Variants in LMO7 observed in about 807,000 individuals in gnomAD.
The protein encoded by LMO7 is LIM domain 7.
Under a neutral mutation model 206.5 loss-of-function variants are expected in LMO7, and 120 were observed. The observed-to-expected ratio is 0.58, with a 90% CI of 0.50 to 0.68. The LOEUF is 0.68. Among genes scored for constraint, LMO7 ranks in the 30% least tolerant of loss-of-function variants. LMO7 has a pLI of 0.00. For missense variants in LMO7, 1,959 were observed against 1,957.9 expected (o/e 1.00, Z -0.01); for synonymous variants, 706 against 681.5 (o/e 1.04, Z -0.56).
Position 75,639,364 on chromosome 13 carries a change from G to A in LMO7, c.69+2638G>A, listed in dbSNP as rs1166251908. On this transcript the variant is annotated intron_variant, in intron 1 of 30. Transcript: ENST00000377534. ...ACTCATGCTAATTTTGCAATTCAAA[G>A]CAAATGTAGGAAAGCTACCCTTTAA... Among the ~76,000 whole-genome samples, 3 of 152,260 alleles carry A rather than the reference G, an allele frequency of 2.0e-5. No homozygotes were observed. In the East Asian group the frequency reaches 5.8e-4, roughly 29 times the overall value.
chr13:75,807,740 A>G lies in LMO7; in HGVS notation c.1457A>G (p.Lys486Arg). 1 of 1,614,010 alleles carries G rather than the reference A, an allele frequency of 6.2e-7. No individual in the cohort carries two copies. The highest frequency in any genetic ancestry group is 8.5e-7 in the Non-Finnish European group (1 of 1,179,890). The change falls in exon 10 of 31, where the codon AAG becomes AGG. Residue 486 changes from lysine (K) to arginine (R), a missense_variant. Coordinates refer to ENST00000377534, the MANE Select transcript of LMO7 (RefSeq NM_001306080.2). The stretch of plus-strand genomic sequence containing the variant: ...CTCCGAGCTTTTGAAGACTTTAGAA[A>G]GTTCTCTGAGCAAGATGATTCTGTA... ...YVLRAFEDFR[K>R]FSEQDDSVER... is the part of the protein sequence containing the mutation.
At chr13:75,828,826 A>G (rs1407798457) in intron 15 of LMO7, among the ~76,000 whole-genome samples, 1 of 152,142 alleles carries the variant, frequency 6.6e-6, no homozygotes, top group African/African-American at 2.4e-5. Flanking sequence ...GGGGTGATTC[A>G]AGATGGATTA....
intron 30 of LMO7, 33 bp downstream of exon 30, chr13:75,856,641 C>T (rs1312473263): frequency 1.4e-6 from 2 of 1,385,818 alleles, no homozygotes; most frequent in Non-Finnish European, 2.1e-6. Flanking sequence ...AAATTTCTTG[C>T]CTTTTAAGGA....
chr13:75,777,454 A>C (rs1467562403), intron 4 of LMO7, among the ~76,000 whole-genome samples: 2 of 152,098 alleles, frequency 1.3e-5, no homozygotes, highest in Non-Finnish European at 2.9e-5. Context: ...CTATTTTCAG[A>C]GTGTTGGTCT....
chr13:75,722,359 AC>A (rs755171888), intron 2 of LMO7, among the ~76,000 whole-genome samples: 1 of 152,170 alleles, frequency 6.6e-6, no homozygotes, highest in Non-Finnish European at 1.5e-5. Flanking sequence ...CAAGAAAAAA[AC>A]AATCCCATCA....
At chr13:75,745,911 C>G (rs1395901870) in intron 3 of LMO7, among the ~76,000 whole-genome samples, 1 of 152,178 alleles carries the variant, frequency 6.6e-6, no homozygotes, top group Non-Finnish European at 1.5e-5. Flanking sequence ...ATCAGCTCAT[C>G]AGCTGACTGC....
At chr13:75,635,040 AAAAC>A (rs1358346592), upstream of LMO7, among the ~76,000 whole-genome samples, 10 of 148,132 alleles carry the variant, frequency 6.8e-5, no homozygotes, top group South Asian at 2.2e-4. Context: ...AAACAAAACA[AAAAC>A]AAACAGAAAG....
At chr13:75,659,101 CTT>C (rs1443701931) in intron 1 of LMO7, among the ~76,000 whole-genome samples, 2 of 152,106 alleles carry the variant, frequency 1.3e-5, no homozygotes, top group African/African-American at 4.8e-5. Flanking sequence ...TATGTGGTAT[CTT>C]TGACTTTTTT....
intron 1 of LMO7, among the ~76,000 whole-genome samples, chr13:75,695,521 A>G (rs902939365): frequency 3.9e-5 from 6 of 152,154 alleles, no homozygotes; most frequent in Admixed American, 1.3e-4. Flanking sequence ...TAATTTTTGT[A>G]TTTTTAATAG....
intron 7 of LMO7, among the ~76,000 whole-genome samples, chr13:75,801,312 CTT>C (rs1327246393): frequency 2.6e-5 from 4 of 151,240 alleles, no homozygotes; most frequent in Non-Finnish European, 4.4e-5. Flanking sequence ...AAAAAACTCT[CTT>C]AAGCAAAAAA....
intron 21 of LMO7, 48 bp from the exon 22 acceptor site, chr13:75,840,343 G>T: frequency 6.2e-7 from 1 of 1,603,734 alleles, no homozygotes; most frequent in Non-Finnish European, 8.5e-7. Context: ...ATGACTTAAT[G>T]AAGTTATGTT....
intron 15 of LMO7, among the ~76,000 whole-genome samples, chr13:75,828,464 TG>T (rs1003005664): frequency 6.6e-6 from 1 of 152,210 alleles, no homozygotes; most frequent in African/African-American, 2.4e-5. Flanking sequence ...GACTTTGCTG[TG>T]TCTTTAGAAT....
intron 19 of LMO7, 23 bp from the exon 20 acceptor site, chr13:75,838,117 G>C (rs1258828248): frequency 1.4e-6 from 2 of 1,387,398 alleles, no homozygotes; most frequent in Non-Finnish European, 2.1e-6. Flanking sequence ...GAATGACATA[G>C]TGTTTATTTT....
chr13:75,816,657 T>C (rs532201372), intron 11 of LMO7: 1 of 114,500 alleles, frequency 8.7e-6, no homozygotes, highest in African/African-American at 2.6e-5. Flanking sequence ...GGGCGGATCT[T>C]ATAGGATCTT....
At chr13:75,651,514 T>C (rs2139140080) in intron 1 of LMO7, among the ~76,000 whole-genome samples, 1 of 152,230 alleles carries the variant, frequency 6.6e-6, no homozygotes, top group Admixed American at 6.5e-5. Context: ...TTCACTTTGT[T>C]GACCAGCCTG....
At chr13:75,794,442 T>C (rs972886966) in intron 4 of LMO7, among the ~76,000 whole-genome samples, 6 of 151,998 alleles carry the variant, frequency 3.9e-5, no homozygotes, top group African/African-American at 1.5e-4. Context: ...AATTAGTCTC[T>C]GTGTACTCAC....
At chr13:75,733,242 A>G (rs2138867627) in intron 3 of LMO7, among the ~76,000 whole-genome samples, 1 of 152,344 alleles carries the variant, frequency 6.6e-6, no homozygotes, top group South Asian at 2.1e-4. Context: ...GAGCCTACAG[A>G]GGCAGGCAGG....
At chr13:75,824,818 A>T (rs909733236) in intron 15 of LMO7, among the ~76,000 whole-genome samples, 1 of 151,572 alleles carries the variant, frequency 6.6e-6, no homozygotes, top group Admixed American at 6.6e-5. Context: ...TTAGTATTAG[A>T]GTGTGTGTGT....
At chr13:75,819,580 C>T (rs1197728580) in intron 13 of LMO7, 45 bp downstream of exon 13, 1 of 1,499,724 alleles carries the variant, frequency 6.7e-7, no homozygotes, top group Non-Finnish European at 8.9e-7. Context: ...GTTGGAGATG[C>T]CAGTGTTATA....
Sources: allele counts gnomAD v4.1 joint callset (sites outside exome capture counted in the v4.1 genomes callset), GRCh38; gene constraint gnomAD v4.1.1; transcripts MANE v1.5; gene names NCBI Gene and HGNC (gene_info 2026-07-23, HGNC 2026-07-21).